The following CDKAL1 variants were observed in gnomAD, a reference collection of about 807,000 sequenced individuals.
CDKAL1 encodes CDKAL1 threonylcarbamoyladenosine tRNA methylthiotransferase.
Under a neutral mutation model 68.2 loss-of-function variants are expected in CDKAL1, and 32 were observed. The ratio of observed to expected loss-of-function variants is 0.47; its 90% CI spans 0.35 to 0.63. CDKAL1 has a LOEUF of 0.63. Among genes scored for constraint, CDKAL1 ranks in the 30% least tolerant of loss-of-function variants. The pLI is 0.00. For missense variants in CDKAL1, 606 were observed against 696.7 expected, an observed-to-expected ratio of 0.87 and a Z score of 1.47; for synonymous variants, 234 against 244.3, an observed-to-expected ratio of 0.96 and a Z score of 0.39.
intron 3 of CDKAL1, among the ~76,000 whole-genome samples, chr6:20,546,810 T>C (rs1029384298): frequency 5.3e-5 from 8 of 152,154 alleles, no homozygotes; most frequent in Non-Finnish European, 1.0e-4. Flanking sequence ...CACCTTGGCC[T>C]CCCAAAGTAC....
At chr6:20,936,513 G>T (rs377738354) in intron 9 of CDKAL1, among the ~76,000 whole-genome samples, 5 of 151,178 alleles carry the variant, frequency 3.3e-5, no homozygotes, top group South Asian at 2.1e-4. Context: ...GCCTCCCAAA[G>T]TGCTGGGATT....
intron 4 of CDKAL1, among the ~76,000 whole-genome samples, chr6:20,550,771 G>A (rs2103682): frequency 0.78 from 117,792 of 151,832 alleles, 45,812 homozygotes; most frequent in Middle Eastern, 0.9. Context: ...GCACTGACCC[G>A]GTGCTTTATG....
chr6:20,774,930 A>G (rs779393822), intron 7 of CDKAL1, among the ~76,000 whole-genome samples: 2 of 152,196 alleles, frequency 1.3e-5, no homozygotes, highest in Non-Finnish European at 2.9e-5. Context: ...TGTATCTGAC[A>G]CTTGTACGTA....
At chr6:21,169,442 C>A (rs1777284393) in intron 13 of CDKAL1, among the ~76,000 whole-genome samples, 1 of 152,290 alleles carries the variant, frequency 6.6e-6, no homozygotes, top group Admixed American at 6.5e-5. Flanking sequence ...CAGGACCAGC[C>A]TGGCCAACAT....
chr6:20,889,591 G>T (rs1435317549), intron 9 of CDKAL1, among the ~76,000 whole-genome samples: 1 of 151,750 alleles, frequency 6.6e-6, no homozygotes, highest in Non-Finnish European at 1.5e-5. Context: ...TCTACATATG[G>T]CCAGCACCAT....
intron 2 of CDKAL1, among the ~76,000 whole-genome samples, chr6:20,536,923 C>G (rs1763196266): frequency 6.6e-6 from 1 of 152,242 alleles, no homozygotes; most frequent in African/African-American, 2.4e-5. Context: ...GCAACTGTGG[C>G]TGTACACACA....
chr6:20,551,166 G>A (rs1401184934), intron 4 of CDKAL1, among the ~76,000 whole-genome samples: 1 of 151,646 alleles, frequency 6.6e-6, no homozygotes, highest in Non-Finnish European at 1.5e-5. Context: ...TGCTCGGCCT[G>A]AGAGGTTGCG....
intron 4 of CDKAL1, among the ~76,000 whole-genome samples, chr6:20,587,549 G>C (rs1375196398): frequency 6.7e-6 from 1 of 149,866 alleles, no homozygotes; most frequent in Non-Finnish European, 1.5e-5. Flanking sequence ...CGTGGGCAGC[G>C]TAGTGAGACC....
intron 9 of CDKAL1, among the ~76,000 whole-genome samples, chr6:20,866,915 T>A (rs745777151): frequency 8.5e-5 from 13 of 152,240 alleles, no homozygotes; most frequent in Non-Finnish European, 1.6e-4. Context: ...CCCATCCTTG[T>A]CTTTTTATAT....
At chr6:20,882,523 A>G (rs1444716846) in intron 9 of CDKAL1, among the ~76,000 whole-genome samples, 1 of 152,228 alleles carries the variant, frequency 6.6e-6, no homozygotes, top group Admixed American at 6.5e-5. Flanking sequence ...CTGGGAGGGT[A>G]AGCGAAAAGA....
chr6:20,545,325 C>T (rs1007431491), intron 2 of CDKAL1, among the ~76,000 whole-genome samples: 22 of 151,824 alleles, frequency 1.4e-4, no homozygotes, highest in Admixed American at 4.6e-4. Flanking sequence ...ACATTTTCTT[C>T]TTTTAATTAT....
chr6:20,631,390 A>T (rs1767668669), intron 4 of CDKAL1, among the ~76,000 whole-genome samples: 2 of 151,430 alleles, frequency 1.3e-5, no homozygotes, highest in African/African-American at 4.9e-5. Context: ...ATCAAGTTAC[A>T]CTCTTCTCCC....
At chr6:20,945,310 G>A (rs1764182257) in intron 9 of CDKAL1, among the ~76,000 whole-genome samples, 1 of 151,926 alleles carries the variant, frequency 6.6e-6, no homozygotes, top group South Asian at 2.1e-4. Flanking sequence ...TTTAGATTAG[G>A]GATGTTTAGC....
intron 9 of CDKAL1, among the ~76,000 whole-genome samples, chr6:20,892,050 GTGTT>G (rs1412037169): frequency 1.3e-5 from 2 of 151,930 alleles, no homozygotes; most frequent in African/African-American, 4.8e-5. Context: ...TTAAAAATAA[GTGTT>G]TGCACCGTCT....
chr6:21,181,538 CT>C (rs1408093740), intron 13 of CDKAL1, among the ~76,000 whole-genome samples: 11 of 152,200 alleles, frequency 7.2e-5, no homozygotes, highest in African/African-American at 2.7e-4. Flanking sequence ...GCACCTTGAT[CT>C]TTGACTTCCT....
chr6:20,844,947 A>G (rs974578754), intron 8 of CDKAL1, among the ~76,000 whole-genome samples: 1 of 152,208 alleles, frequency 6.6e-6, no homozygotes, highest in Non-Finnish European at 1.5e-5. Context: ...TAGGAGGAAA[A>G]GAGTGTTAGC....
At chr6:20,752,607 A>G (rs1773974824) in intron 6 of CDKAL1, among the ~76,000 whole-genome samples, 1 of 152,084 alleles carries the variant, frequency 6.6e-6, no homozygotes, top group Non-Finnish European at 1.5e-5. Context: ...AGATTCCCCA[A>G]ATATTAACAT....
In CDKAL1 at chr6:21,108,385, T is replaced by C. The variant is rs765644497; in HGVS notation, c.1237-16T>C. ...TTTGTATGTTGGTTTTTTGTTTTTT[T>C]TGTTTTTTTTCACAGAAAAAGCAAA... On this transcript the variant is annotated splice_polypyrimidine_tract_variant and intron_variant, in intron 12 of 15. Coordinates refer to ENST00000274695, the MANE Select transcript of CDKAL1 (RefSeq NM_017774.3). 6.3e-7 allele frequency: 1 copy of C among 1,596,584 alleles called. No homozygotes were observed. Among genetic ancestry groups the C allele is most frequent in the Non-Finnish European group, 8.5e-7 (1 of 1,169,670 alleles).
intron 9 of CDKAL1, among the ~76,000 whole-genome samples, chr6:20,933,197 C>T (rs1281744152): frequency 6.6e-6 from 1 of 152,202 alleles, no homozygotes; most frequent in Non-Finnish European, 1.5e-5. Context: ...GAAAGAGAAT[C>T]ATCTCCTTTC....
Sources: allele counts gnomAD v4.1 joint callset (sites outside exome capture counted in the v4.1 genomes callset), GRCh38; gene constraint gnomAD v4.1.1; transcripts MANE v1.5; gene names NCBI Gene and HGNC (gene_info 2026-07-23, HGNC 2026-07-21).